The following LOC400499 variants were observed in gnomAD, a reference collection of about 807,000 sequenced individuals.
chr16:11,486,724 G>C, the LOC400499 span, among the ~76,000 whole-genome samples: 5 of 116,010 alleles, frequency 4.3e-5, no homozygotes, highest in African/African-American at 1.8e-4. Context: ...ATAGATGATG[G>C]GTGGGTGGAT....
chr16:11,507,651 G>A, the LOC400499 span, among the ~76,000 whole-genome samples: 1 of 152,220 alleles, frequency 6.6e-6, no homozygotes, highest in Non-Finnish European at 1.5e-5. Context: ...TAAAGCCCTG[G>A]CAGGGCGCAG....
the LOC400499 span, chr16:11,469,110 G>T: frequency 2.5e-6 from 1 of 399,172 alleles, no homozygotes; most frequent in South Asian, 1.3e-4. Flanking sequence ...CTCTGGTACG[G>T]GGGAAGGAAA....
At chr16:11,443,378 A>G in the LOC400499 span, 5 of 416,808 alleles carry the variant, frequency 1.2e-5, no homozygotes, top group Non-Finnish European at 2.3e-5. Flanking sequence ...GGGTCTGTGC[A>G]TGAACCTGGG....
At chr16:11,510,402 C>T in the LOC400499 span, among the ~76,000 whole-genome samples, 16 of 151,790 alleles carry the variant, frequency 1.1e-4, no homozygotes, top group African/African-American at 3.4e-4. Context: ...GGCCTTTGCA[C>T]TTCCTGTTTC....
At chr16:11,410,379 G>T in the LOC400499 span, among the ~76,000 whole-genome samples, 4 of 152,116 alleles carry the variant, frequency 2.6e-5, no homozygotes, top group African/African-American at 9.7e-5. Context: ...GCTTGAACCG[G>T]GGAGGCGGAG....
chr16:11,520,039 G>A, the LOC400499 span, among the ~76,000 whole-genome samples: 2 of 152,212 alleles, frequency 1.3e-5, no homozygotes, highest in Admixed American at 6.5e-5. Context: ...CTAAAAACAG[G>A]CAAGTTCATA....
the LOC400499 span, among the ~76,000 whole-genome samples, chr16:11,489,660 A>G: frequency 0.13 from 19,521 of 152,148 alleles, 1,323 homozygotes; most frequent in Middle Eastern, 0.14. Context: ...ACTGGACAAT[A>G]TATCAGGTGG....
At chr16:11,512,281 C>T in the LOC400499 span, among the ~76,000 whole-genome samples, 1 of 151,006 alleles carries the variant, frequency 6.6e-6, no homozygotes, top group Admixed American at 6.6e-5. Flanking sequence ...GATTCCATCT[C>T]AAAAAAATAA....
the LOC400499 span, among the ~76,000 whole-genome samples, chr16:11,513,650 C>G: frequency 6.6e-6 from 1 of 151,914 alleles, no homozygotes; most frequent in African/African-American, 2.4e-5. Context: ...AGGCTGGTCT[C>G]GAACTCCTGA....
At chr16:11,424,046 T>C in the LOC400499 span, 4 of 398,984 alleles carry the variant, frequency 1.0e-5, no homozygotes, top group Non-Finnish European at 8.8e-6. Context: ...AGCAAAGCTG[T>C]TGGGTGTCCC....
the LOC400499 span, among the ~76,000 whole-genome samples, chr16:11,521,477 G>A: frequency 2.6e-5 from 4 of 152,174 alleles, no homozygotes; most frequent in African/African-American, 7.2e-5. Context: ...CTGGACCTTA[G>A]TGTTTGCCTA....
At chr16:11,392,845 T>C in the LOC400499 span, 1 of 973,562 alleles carries the variant, frequency 1.0e-6, no homozygotes, top group Non-Finnish European at 1.2e-6. Context: ...ACCAGGTTTT[T>C]TCGTTTTTGT....
the LOC400499 span, among the ~76,000 whole-genome samples, chr16:11,496,963 C>T: frequency 6.8e-6 from 1 of 146,024 alleles, no homozygotes; most frequent in Non-Finnish European, 1.5e-5. Context: ...GGGTGTGTGT[C>T]CGTGCATTTC....
chr16:11,488,738 G>C, the LOC400499 span: 2 of 398,986 alleles, frequency 5.0e-6, no homozygotes, highest in East Asian at 7.1e-5. Context: ...AGAATAGGAC[G>C]AGTGTTTCCA....
the LOC400499 span, among the ~76,000 whole-genome samples, chr16:11,491,028 G>A: frequency 2.6e-5 from 4 of 152,154 alleles, no homozygotes; most frequent in African/African-American, 9.7e-5. Context: ...CTTTCTAAAT[G>A]TCTTTGTGTA....
At chr16:11,515,272 A>G in the LOC400499 span, among the ~76,000 whole-genome samples, 2 of 151,754 alleles carry the variant, frequency 1.3e-5, no homozygotes, top group Non-Finnish European at 2.9e-5. Flanking sequence ...ACAGCAAGAC[A>G]CCATCTCTAC....
At chr16:11,445,952 G>T in the LOC400499 span, among the ~76,000 whole-genome samples, 1 of 151,174 alleles carries the variant, frequency 6.6e-6, no homozygotes, top group African/African-American at 2.4e-5. Flanking sequence ...AGCCTCCTGA[G>T]TAGCTGGGAC....
At chr16:11,446,148 G>C in the LOC400499 span, among the ~76,000 whole-genome samples, 1 of 149,966 alleles carries the variant, frequency 6.7e-6, no homozygotes, top group Non-Finnish European at 1.5e-5. Context: ...TGTGTGTGAG[G>C]TTGGGGGGCG....
chr16:11,404,931 G>C, the LOC400499 span: 4 of 398,600 alleles, frequency 1.0e-5, no homozygotes, highest in African/African-American at 8.2e-5. Context: ...TGGGAAAGAA[G>C]AGAAGCTTGC....
Sources: allele counts gnomAD v4.1 joint callset (sites outside exome capture counted in the v4.1 genomes callset), GRCh38; gene constraint gnomAD v4.1.1; transcripts MANE v1.5.